TNKS: variants seen among roughly 807,000 people sequenced by gnomAD.
TNKS encodes the protein tankyrase, also known as poly [ADP-ribose] polymerase tankyrase-1.
A neutral mutation model predicts 135.8 loss-of-function variants in TNKS; 72 were observed. The ratio of observed to expected loss-of-function variants is 0.53; its 90% CI spans 0.44 to 0.64. The LOEUF is 0.64. Among genes scored for constraint, TNKS ranks in the 30% least tolerant of loss-of-function variants. The pLI, the probability that TNKS is intolerant of heterozygous loss-of-function variation, is 0.00. For missense variants in TNKS, 1,769 were observed against 1,674.0 expected, an observed-to-expected ratio of 1.06 and a Z score of -0.99; for synonymous variants, 849 against 649.3, an observed-to-expected ratio of 1.31 and a Z score of -4.68.
At chr8:9,563,445 G>A (rs1396534551) in intron 1 of TNKS, among the ~76,000 whole-genome samples, 1 of 152,066 alleles carries the variant, frequency 6.6e-6, no homozygotes, top group Non-Finnish European at 1.5e-5. Flanking sequence ...TTTATACTGT[G>A]AAAGTTTCCA....
At chr8:9,585,567 A>C (rs888370765) in intron 2 of TNKS, among the ~76,000 whole-genome samples, 1 of 152,194 alleles carries the variant, frequency 6.6e-6, no homozygotes, top group Non-Finnish European at 1.5e-5. Flanking sequence ...TTTCATTTAC[A>C]ATATTGACAG....
At chr8:9,768,969 C>G (rs1807630851) in intron 25 of TNKS, among the ~76,000 whole-genome samples, 1 of 152,154 alleles carries the variant, frequency 6.6e-6, no homozygotes, top group African/African-American at 2.4e-5. Flanking sequence ...AGCTTATACT[C>G]CATTACTAAA....
chr8:9,663,795 A>G (rs1801849016), intron 3 of TNKS, among the ~76,000 whole-genome samples: 1 of 152,212 alleles, frequency 6.6e-6, no homozygotes, highest in Non-Finnish European at 1.5e-5. Context: ...GGAGGTACAT[A>G]GGGCAAGGTC....
intron 11 of TNKS, among the ~76,000 whole-genome samples, chr8:9,716,751 A>G (rs1027892696): frequency 6.0e-5 from 9 of 150,668 alleles, no homozygotes; most frequent in Admixed American, 1.3e-4. Context: ...TTTCTCTGCC[A>G]GTGTTTGTTC....
intron 2 of TNKS, among the ~76,000 whole-genome samples, chr8:9,596,967 T>C (rs186398582): frequency 2.8e-4 from 42 of 152,348 alleles, no homozygotes; most frequent in African/African-American, 7.9e-4. Context: ...GAAGAGGACA[T>C]TGAATATAGG....
intron 3 of TNKS, among the ~76,000 whole-genome samples, chr8:9,647,980 G>A (rs1383380662): frequency 1.3e-5 from 2 of 152,260 alleles, no homozygotes; most frequent in East Asian, 3.9e-4. Flanking sequence ...TAACACAGTG[G>A]TAAGCATTTG....
rs1171762467 is a variant in TNKS, at chr8:9,756,824, ATCT to A, written c.3153+4206_3153+4208del. Among the ~76,000 whole-genome samples, 4 of 152,042 alleles carry A rather than the reference ATCT, an allele frequency of 2.6e-5. 1 individual carries two copies. The highest frequency in any genetic ancestry group is 4.2e-4 in the South Asian group (2 of 4,812). ...AGATTCATCCCTTCCATGCCATTTT[ATCT>A]TCTTCTTATTCCCAGTTGCCTTCCC... On this transcript the variant is annotated intron_variant, in intron 20 of 26. Coordinates refer to ENST00000310430, the MANE Select transcript of TNKS (RefSeq NM_003747.3).
intron 3 of TNKS, among the ~76,000 whole-genome samples, chr8:9,663,205 G>T (rs1486279007): frequency 2.6e-5 from 4 of 152,198 alleles, no homozygotes; most frequent in Non-Finnish European, 4.4e-5. Flanking sequence ...ATGACCTCCA[G>T]AACTGTGTGG....
chr8:9,600,626 T>A (rs996636047), intron 2 of TNKS, among the ~76,000 whole-genome samples: 10 of 152,138 alleles, frequency 6.6e-5, no homozygotes, highest in East Asian at 3.8e-4. Context: ...AACTTTTTTT[T>A]AAAAAAGAAA....
rs144406025 is a variant in TNKS at position 9,692,016 on chromosome 8, A to G, written c.1107+11216A>G. Among the ~76,000 whole-genome samples the G allele has an allele frequency of 4.4e-3, 669 of 151,912 alleles. 1 individual carries two copies. The highest frequency in any genetic ancestry group is 0.015 in the African/African-American group (625 of 41,466). ...TGCATCCTACATGTCTTTTTTTTCTATCTTGTTCCTCCTGTCCCTTCCTCT... is the reference window on the plus strand; with the variant it reads ...TGCATCCTACATGTCTTTTTTTTCTGTCTTGTTCCTCCTGTCCCTTCCTCT... On this transcript the variant is annotated intron_variant, in intron 5 of 26. Coordinates refer to ENST00000310430, the MANE Select transcript of TNKS (RefSeq NM_003747.3).
At position 9,585,422 on chromosome 8, in the gene TNKS, T is replaced by C. The variant is rs1798336739; in HGVS notation, c.898+5039T>C. 2.0e-5 allele frequency among the ~76,000 whole-genome samples: 3 copies of C among 152,044 alleles called. No homozygotes were observed. In the South Asian group the frequency reaches 6.2e-4, roughly 32 times the overall value. On this transcript the variant is annotated intron_variant, in intron 2 of 26. Transcript: ENST00000310430. ...ACAAATGATAAGAAAGAGAAACCTA[T>C]CTTGAGATTGAAAAGGCTCAGGGAG...
In TNKS at chr8:9,742,171, C is replaced by T. The variant is rs376003769; in HGVS notation, c.2644-5853C>T. 2.6e-5 allele frequency among the ~76,000 whole-genome samples: 4 copies of T among 152,128 alleles called. No individual in the cohort carries two copies. In the East Asian group the frequency reaches 5.8e-4, roughly 22 times the overall value. On this transcript the variant is annotated intron_variant, in intron 17 of 26. Coordinates refer to ENST00000310430, the MANE Select transcript of TNKS (RefSeq NM_003747.3). Reference sequence around the variant, plus strand: ...ATGTGTTTATAGCAGGTATTTTTACCTCATTGTGAGGGTGGATTGAGTCAC... The same window carrying T: ...ATGTGTTTATAGCAGGTATTTTTACTTCATTGTGAGGGTGGATTGAGTCAC...
intron 12 of TNKS, among the ~76,000 whole-genome samples, chr8:9,721,993 C>T (rs1406385305): frequency 6.6e-6 from 1 of 150,478 alleles, no homozygotes; most frequent in African/African-American, 2.4e-5. Flanking sequence ...ACGGAGGTTG[C>T]AGTGAGCCAA....
intron 3 of TNKS, among the ~76,000 whole-genome samples, chr8:9,648,310 TATG>T (rs1278153036): frequency 6.6e-6 from 1 of 152,246 alleles, no homozygotes; most frequent in African/African-American, 2.4e-5. Flanking sequence ...TTTTGACTGT[TATG>T]ATAACACTTA....
Position 9,656,329 on chromosome 8 carries a change from C to T in TNKS, c.995-23622C>T, listed in dbSNP as rs577614700. Among the ~76,000 whole-genome samples, 23 of 152,264 alleles carry T rather than the reference C, an allele frequency of 1.5e-4. No individual in the cohort carries two copies. The South Asian group carries it at 4.6e-3, about 30-fold the overall frequency. On this transcript the variant is annotated intron_variant, in intron 3 of 26. Coordinates refer to ENST00000310430, the MANE Select transcript of TNKS (RefSeq NM_003747.3). ...GGAGAACACTCTGCAGGATATTATC[C>T]AGGAGAACTTCCCAAACCTAGCAAG...
intron 2 of TNKS, among the ~76,000 whole-genome samples, chr8:9,591,134 T>C (rs950874652): frequency 2.6e-5 from 4 of 152,256 alleles, no homozygotes; most frequent in African/African-American, 9.6e-5. Context: ...AGTTTTCTCA[T>C]TTAGTTGTTC....
intron 26 of TNKS, among the ~76,000 whole-genome samples, chr8:9,771,396 G>GA (rs1807850912): frequency 9.8e-6 from 1 of 102,096 alleles, no homozygotes; most frequent in African/African-American, 3.0e-5. Flanking sequence ...GAGAAAGGGA[G>GA]GGAAAGAAAG....
intron 11 of TNKS, among the ~76,000 whole-genome samples, chr8:9,719,531 G>A (rs1585372229): frequency 6.6e-6 from 1 of 152,190 alleles, no homozygotes. Context: ...CAGAAAAGGA[G>A]TAATCAAAGT....
chr8:9,729,284 A>C (rs2128816582), intron 13 of TNKS, among the ~76,000 whole-genome samples: 1 of 152,334 alleles, frequency 6.6e-6, no homozygotes, highest in Admixed American at 6.5e-5. Flanking sequence ...CCAGAAGGAC[A>C]CAAACATTCA....
Sources: gnomAD v4.1 joint callset for allele counts (sites outside exome capture counted in the v4.1 genomes callset) on GRCh38, gnomAD v4.1.1 for gene constraint, MANE v1.5 for transcripts, NCBI Gene and HGNC (gene_info 2026-07-23, HGNC 2026-07-21) for gene names.